CELF4: variants seen among roughly 807,000 people sequenced by gnomAD.
CELF4 encodes the protein CUGBP Elav-like family member 4, also known as CUG-BP- and ETR-3-like factor 4.
Under a neutral mutation model 59.9 loss-of-function variants are expected in CELF4, and 18 were observed. The observed-to-expected ratio is 0.30, with a 90% CI of 0.21 to 0.45. CELF4 has a LOEUF of 0.45. Ranked by LOEUF, CELF4 falls within the 20% of genes least tolerant of loss-of-function variation. The pLI, the probability that CELF4 is intolerant of heterozygous loss-of-function variation, is 1.00. For synonymous variants in CELF4, 261 were observed against 267.1 expected (o/e 0.98, Z 0.22); for missense variants, 456 against 689.0 (o/e 0.66, Z 3.79).
intron 1 of CELF4, among the ~76,000 whole-genome samples, chr18:37,564,658 C>T (rs574201985): frequency 6.6e-6 from 1 of 151,952 alleles, no homozygotes; most frequent in African/African-American, 2.4e-5. Context: ...GCTTGCCAGA[C>T]CCCCCACTCC....
At chr18:37,405,406 C>T (rs2099376493) in intron 2 of CELF4, among the ~76,000 whole-genome samples, 1 of 152,330 alleles carries the variant, frequency 6.6e-6, no homozygotes, top group South Asian at 2.1e-4. Flanking sequence ...GGTAACCATC[C>T]CGCCACCTCT....
intron 2 of CELF4, among the ~76,000 whole-genome samples, chr18:37,450,851 T>C (rs1003381895): frequency 6.6e-6 from 1 of 152,076 alleles, no homozygotes; most frequent in African/African-American, 2.4e-5. Flanking sequence ...GGACAACACA[T>C]TCCTCTGTCA....
At chr18:37,250,270 C>T (rs1292188835) in intron 12 of CELF4, among the ~76,000 whole-genome samples, 1 of 152,186 alleles carries the variant, frequency 6.6e-6, no homozygotes, top group African/African-American at 2.4e-5. Flanking sequence ...AAACCCAAGC[C>T]ACCAGAGGGG....
intron 1 of CELF4, among the ~76,000 whole-genome samples, chr18:37,500,593 G>C (rs2099930592): frequency 6.7e-6 from 1 of 149,108 alleles, no homozygotes; most frequent in Non-Finnish European, 1.5e-5. Context: ...GAGTGCAGTG[G>C]TGCTATCTGG....
intron 1 of CELF4, among the ~76,000 whole-genome samples, chr18:37,492,396 A>T (rs761886870): frequency 2.8e-4 from 42 of 152,146 alleles, no homozygotes; most frequent in Middle Eastern, 3.2e-3. Context: ...AAAAACATGC[A>T]GGCCACTGCA....
chr18:37,297,405 C>A (rs1364918995), intron 3 of CELF4, among the ~76,000 whole-genome samples: 4 of 152,208 alleles, frequency 2.6e-5, no homozygotes, highest in Non-Finnish European at 5.9e-5. Context: ...ATGCATTCCT[C>A]ATCAGAGCAC....
At position 37,321,802 on chromosome 18, in the gene CELF4, C is replaced by A; in HGVS notation, c.448+1G>T. 6.2e-7 allele frequency: 1 copy of A among 1,608,764 alleles called. No homozygotes were observed. Among genetic ancestry groups the A allele is most frequent in the Non-Finnish European group, 8.5e-7 (1 of 1,176,796 alleles). The stretch of plus-strand genomic sequence containing the variant: ...AGGGGCAGAGACAAGTGGGCCCTCA[C>A]GTGAAGGGGGCTGGCGCAGGCAGCT... On this transcript the variant is annotated splice_donor_variant, in intron 3 of 12. Coordinates refer to ENST00000420428, the MANE Select transcript of CELF4 (RefSeq NM_020180.4). LOFTEE classifies it high-confidence loss of function.
chr18:37,399,778 C>T (rs181486486), intron 2 of CELF4, among the ~76,000 whole-genome samples: 5 of 152,302 alleles, frequency 3.3e-5, no homozygotes, highest in Admixed American at 6.5e-5. Context: ...TTCAGTAAGA[C>T]GCTTGCCCAT....
chr18:37,476,830 C>T (rs1057398244), intron 2 of CELF4, among the ~76,000 whole-genome samples: 7 of 152,202 alleles, frequency 4.6e-5, no homozygotes, highest in African/African-American at 1.2e-4. Context: ...GGCAGCCTCA[C>T]ATTCTCGCTC....
At chr18:37,454,597 G>T (rs1467010467) in intron 2 of CELF4, among the ~76,000 whole-genome samples, 1 of 152,072 alleles carries the variant, frequency 6.6e-6, no homozygotes. Context: ...AGGTATTCAG[G>T]ACAACCATGC....
At chr18:37,290,770 C>T (rs1041557736) in intron 3 of CELF4, among the ~76,000 whole-genome samples, 3 of 152,130 alleles carry the variant, frequency 2.0e-5, no homozygotes, top group Non-Finnish European at 4.4e-5. Context: ...TAGTAATAAC[C>T]AAGGGAGTGA....
At chr18:37,520,988 G>A (rs1371832979) in intron 1 of CELF4, among the ~76,000 whole-genome samples, 1 of 151,950 alleles carries the variant, frequency 6.6e-6, no homozygotes, top group Non-Finnish European at 1.5e-5. Flanking sequence ...GGCATGGGGA[G>A]GGGTCCCTCA....
At chr18:37,453,670 T>G (rs1462958948) in intron 2 of CELF4, among the ~76,000 whole-genome samples, 1 of 151,894 alleles carries the variant, frequency 6.6e-6, no homozygotes, top group Non-Finnish European at 1.5e-5. Context: ...CGGGGGTCAA[T>G]GGTGAGGAGG....
chr18:37,255,947 G>C (rs973601898), intron 11 of CELF4, among the ~76,000 whole-genome samples: 1 of 152,204 alleles, frequency 6.6e-6, no homozygotes, highest in Non-Finnish European at 1.5e-5. Flanking sequence ...CAGCCTTCCT[G>C]GAAGAGTTTA....
At chr18:37,338,794 G>GTGTGTGTGT (rs1557282748) in intron 2 of CELF4, among the ~76,000 whole-genome samples, 24 of 103,692 alleles carry the variant, frequency 2.3e-4, no homozygotes, top group South Asian at 1.4e-3. Flanking sequence ...GTGTGTGTGT[G>GTGTGTGTGT]GTGTGTGTGA....
chr18:37,392,153 G>A (rs2099169403), intron 2 of CELF4, among the ~76,000 whole-genome samples: 1 of 152,242 alleles, frequency 6.6e-6, no homozygotes, highest in South Asian at 2.1e-4. Context: ...GGAAGTGGGA[G>A]AAAGAAAGGT....
chr18:37,326,930 C>T (rs1019323694), intron 2 of CELF4, among the ~76,000 whole-genome samples: 1 of 152,160 alleles, frequency 6.6e-6, no homozygotes, highest in African/African-American at 2.4e-5. Context: ...TGGGACATAC[C>T]CTTTAAATAT....
At chr18:37,301,890 T>C (rs575027255) in intron 3 of CELF4, among the ~76,000 whole-genome samples, 1 of 152,298 alleles carries the variant, frequency 6.6e-6, no homozygotes, top group African/African-American at 2.4e-5. Context: ...GGTAGGTCTC[T>C]GGCATGGCAT....
chr18:37,448,103 G>C lies in CELF4; in HGVS notation c.369+37422C>G, dbSNP rs564052053. Among the ~76,000 whole-genome samples the C allele has an allele frequency of 6.6e-5, 10 of 152,362 alleles. No individual in the cohort carries two copies. In the South Asian group the frequency reaches 2.1e-3, roughly 32 times the overall value. On this transcript the variant is annotated intron_variant, in intron 2 of 12. Transcript: ENST00000420428. Reference sequence around the variant, plus strand: ...GAGCCATGAGGCAGTCGAATGGCCAGTTGTGCAGAGCATCGCATAGTCATT... The same window carrying C: ...GAGCCATGAGGCAGTCGAATGGCCACTTGTGCAGAGCATCGCATAGTCATT...
Sources: gnomAD v4.1 joint callset for allele counts (sites outside exome capture counted in the v4.1 genomes callset) on GRCh38, gnomAD v4.1.1 for gene constraint, MANE v1.5 for transcripts, NCBI Gene and HGNC (gene_info 2026-07-23, HGNC 2026-07-21) for gene names.